The following SLC26A1 variants were observed in gnomAD, a reference collection of about 807,000 sequenced individuals.
The protein encoded by SLC26A1 is sulfate anion transporter 1.
In SLC26A1, 18 loss-of-function variants were observed where a neutral mutation model predicts 14.5. That is an observed-to-expected ratio of 1.24 (90% CI 0.86 to 1.84). The LOEUF (loss-of-function observed/expected upper bound fraction) is 1.84. Ranked by LOEUF, SLC26A1 falls within the 40% of genes most tolerant of loss-of-function variation. The pLI is 0.00. For synonymous variants in SLC26A1, 505 were observed against 492.0 expected, an observed-to-expected ratio of 1.03 and a Z score of -0.35; for missense variants, 1,049 against 1,020.0, an observed-to-expected ratio of 1.03 and a Z score of -0.39.
downstream of SLC26A1, among the ~76,000 whole-genome samples, chr4:985,907 T>C (rs962226259): frequency 6.6e-6 from 1 of 152,164 alleles, no homozygotes; most frequent in Non-Finnish European, 1.5e-5. Flanking sequence ...GTTTTGTTAG[T>C]AGACTGTTCT....
At chr4:979,776 G>A (rs752984704) in intron 2 of SLC26A1, among the ~76,000 whole-genome samples, 1 of 152,240 alleles carries the variant, frequency 6.6e-6, no homozygotes, top group African/African-American at 2.4e-5. Context: ...GTGCCATGAC[G>A]TGGACCAGGC....
exon 3 of SLC26A1, chr4:979,384 G>C: frequency 7.6e-7 from 1 of 1,323,398 alleles, no homozygotes; most frequent in Non-Finnish European, 1.1e-6. Flanking sequence ...CGATGTCGTT[G>C]ATGTCGGCAT....
chr4:986,348 C>T (rs1318097832), downstream of SLC26A1, among the ~76,000 whole-genome samples: 1 of 152,104 alleles, frequency 6.6e-6, no homozygotes, highest in African/African-American at 2.4e-5. Flanking sequence ...TCCCAGATAC[C>T]AAAATTTGCA....
downstream of SLC26A1, among the ~76,000 whole-genome samples, chr4:986,362 G>A (rs934246686): frequency 1.3e-5 from 2 of 152,156 alleles, no homozygotes; most frequent in African/African-American, 4.8e-5. Context: ...ATTTGCAGGT[G>A]CTCAAGTACT....
chr4:991,713 T>G lies in SLC26A1; in HGVS notation c.-10A>C, dbSNP rs1325419741. 1.3e-6 allele frequency: 2 copies of G among 1,535,086 alleles called. No homozygotes were observed. Among genetic ancestry groups the G allele is most frequent in the African/African-American group, 2.7e-5 (2 of 73,134 alleles). ...CAGGGGACTCGTCCATCCTGTTGCGTCAGGTCCCGTGGCCGACCTGCGGCC... is the reference window on the plus strand; with the variant it reads ...CAGGGGACTCGTCCATCCTGTTGCGGCAGGTCCCGTGGCCGACCTGCGGCC... On this transcript the variant is annotated 5_prime_UTR_variant, in exon 2 of 3. Transcript: ENST00000398516.
In SLC26A1 at chr4:991,166, C is replaced by T; in HGVS notation, c.538G>A (p.Val180Ile). 1 of 1,564,986 alleles carries T rather than the reference C, an allele frequency of 6.4e-7. No homozygotes were observed. Among genetic ancestry groups the T allele is most frequent in the Non-Finnish European group, 8.7e-7 (1 of 1,151,938 alleles). Residue 180 changes from valine to isoleucine, a missense_variant, in exon 2 of 3, where the codon GTC (valine) becomes ATC (isoleucine). Val to Ile is a conservative substitution (Grantham distance 29). Transcript: ENST00000398516. Reference protein sequence around the residue: ...DCGRDCYAIRVATALTLMTGL... With the variant: ...DCGRDCYAIRIATALTLMTGL... ...GTCATCAGCGTGAGGGCGGTGGCGA[C>T]ACGGATGGCGTAGCAGTCACGCCCG...
chr4:984,702 AT>A (rs1158687840), downstream of SLC26A1, among the ~76,000 whole-genome samples: 6 of 152,154 alleles, frequency 3.9e-5, no homozygotes, highest in Non-Finnish European at 4.4e-5. Flanking sequence ...GTGGTGGCTC[AT>A]GCCTGTAATC....
chr4:986,948 C>A, downstream of SLC26A1: 9 of 689,806 alleles, frequency 1.3e-5, no homozygotes, highest in Middle Eastern at 3.8e-4. Context: ...CACCCAACCC[C>A]TCCCACCCGG....
chr4:987,202 C>T (rs1389979826), downstream of SLC26A1: 1 of 1,485,268 alleles, frequency 6.7e-7, no homozygotes, highest in South Asian at 1.3e-5. Context: ...GGCCCGCGCG[C>T]TGTGGCCCCT....
downstream of SLC26A1, among the ~76,000 whole-genome samples, chr4:986,483 G>A (rs1216393803): frequency 6.6e-6 from 1 of 152,210 alleles, no homozygotes; most frequent in Non-Finnish European, 1.5e-5. Flanking sequence ...GTAAATAGCT[G>A]TTATACTGTA....
chr4:989,350 C>T lies in SLC26A1; in HGVS notation c.1589G>A (p.Gly530Asp). 2.5e-6 allele frequency: 4 copies of T among 1,598,092 alleles called. No homozygotes were observed. Among genetic ancestry groups the T allele is most frequent in the Non-Finnish European group, 3.4e-6 (4 of 1,172,864 alleles). ...AFYEDATEFEGLVPEPGVRVF... is the reference protein window; with the variant it reads ...AFYEDATEFEDLVPEPGVRVF... ...CCGCACGCCGGGCTCAGGGACGAGG[C>T]CCTCGAACTCTGTGGCATCCTCGTA... The change falls in exon 3 of 3, where the codon GGC becomes GAC. Residue 530 changes from glycine (G) to aspartate (D), a missense_variant. Coordinates refer to ENST00000398516, the MANE Select transcript of SLC26A1 (RefSeq NM_022042.4).
downstream of SLC26A1, among the ~76,000 whole-genome samples, chr4:986,316 C>T (rs556011034): frequency 2.0e-5 from 3 of 152,204 alleles, no homozygotes; most frequent in East Asian, 1.9e-4. Flanking sequence ...ATGGTATCCT[C>T]GGGGTATTGG....
chr4:987,026 C>T (rs1236905319), downstream of SLC26A1: 9 of 1,495,768 alleles, frequency 6.0e-6, no homozygotes, highest in African/African-American at 2.8e-5. Context: ...CAGACTCCGA[C>T]CCGGAGGCGG....
intron 2 of SLC26A1, among the ~76,000 whole-genome samples, chr4:982,533 G>A (rs1245791718): frequency 2.6e-5 from 4 of 152,208 alleles, no homozygotes; most frequent in Admixed American, 6.5e-5. Flanking sequence ...ACCCCTGCCC[G>A]GACGCCCCCA....
In SLC26A1 at chr4:988,890, G is replaced by A. The variant is rs145384499; in HGVS notation, c.2049C>T (p.Ala683=). 4.1e-5 allele frequency: 65 copies of A among 1,602,996 alleles called. No individual in the cohort carries two copies. Among genetic ancestry groups the A allele is most frequent in the Middle Eastern group, 1.7e-4 (1 of 6,008 alleles). Reference sequence around the variant, plus strand: ...TGTGGCGGGCTCGTGCTGTCTGCACGGCATCGTGCACACTGAGGAACAGCT... The same window carrying A: ...TGTGGCGGGCTCGTGCTGTCTGCACAGCATCGTGCACACTGAGGAACAGCT... ...EEQLFLSVHD[A]VQTARARHRE... is the part of the protein sequence containing the mutation. Residue 683 remains alanine, a synonymous_variant, in exon 3 of 3, where the codon GCC becomes GCT. Transcript: ENST00000398516.
intron 1 of SLC26A1, chr4:992,975 T>C (rs1714488320): frequency 6.6e-6 from 1 of 152,182 alleles, no homozygotes; most frequent in African/African-American, 2.4e-5. Flanking sequence ...CTGGCGGGTG[T>C]GTTGGGGCAG....
chr4:979,550 G>T, intron 2 of SLC26A1: 1 of 1,606,700 alleles, frequency 6.2e-7, no homozygotes, highest in Admixed American at 1.7e-5. Context: ...CCGCTGACCC[G>T]CTGACGTCTC....
At chr4:990,665 A>G in intron 2 of SLC26A1, 1 of 460,516 alleles carries the variant, frequency 2.2e-6, no homozygotes, top group Non-Finnish European at 3.9e-6. Context: ...GACCTCTGGT[A>G]TCAGAAGGCA....
rs746627874 is a variant in SLC26A1 at position 989,475 on chromosome 4, G to A, written c.1464C>T (p.Ala488=). 2.5e-5 allele frequency: 39 copies of A among 1,554,112 alleles called. No individual in the cohort carries two copies. The highest frequency in any genetic ancestry group is 4.7e-5 in the South Asian group (4 of 84,530). ...AATCMLVSTE[A]GLLAGVILSL... ...AGAGGATGACGCCAGCCAGCAGCCC[G>A]GCCTCTGTGCTGACCAGCATACAGG... Residue 488 remains alanine (A), a synonymous_variant, in exon 3 of 3, where the codon GCC becomes GCT. Coordinates refer to ENST00000398516, the MANE Select transcript of SLC26A1 (RefSeq NM_022042.4).
Sources: allele counts gnomAD v4.1 joint callset (sites outside exome capture counted in the v4.1 genomes callset), GRCh38; gene constraint gnomAD v4.1.1; transcripts MANE v1.5; gene names NCBI Gene and HGNC (gene_info 2026-07-23, HGNC 2026-07-21).